Variants in ANKDD1A observed in about 807,000 individuals in gnomAD.
ANKDD1A encodes ankyrin repeat and death domain containing 1A.
A neutral mutation model predicts 63.5 loss-of-function variants in ANKDD1A; 59 were observed. The ratio of observed to expected loss-of-function variants is 0.93; its 90% CI spans 0.75 to 1.15. The LOEUF is 1.15. Among genes scored for constraint, ANKDD1A ranks in the 50% most tolerant of loss-of-function variants. ANKDD1A has a pLI of 0.00. For missense variants in ANKDD1A, 632 were observed against 656.4 expected, an observed-to-expected ratio of 0.96 and a Z score of 0.41; for synonymous variants, 266 against 263.9, an observed-to-expected ratio of 1.01 and a Z score of -0.08.
chr15:64,923,621 A>G (rs1161581096), intron 4 of ANKDD1A, among the ~76,000 whole-genome samples: 1 of 152,172 alleles, frequency 6.6e-6, no homozygotes, highest in Non-Finnish European at 1.5e-5. Context: ...GCCTGAAAGC[A>G]TTTGGGTTGG....
chr15:64,952,050 T>A (rs1392972095), intron 14 of ANKDD1A, among the ~76,000 whole-genome samples: 52 of 137,354 alleles, frequency 3.8e-4, no homozygotes, highest in South Asian at 3.8e-3. Context: ...CTCTTCTTTC[T>A]TCTTCTTAGT....
chr15:64,914,445 A>G (rs2084955024), intron 1 of ANKDD1A, among the ~76,000 whole-genome samples: 1 of 152,192 alleles, frequency 6.6e-6, no homozygotes, highest in African/African-American at 2.4e-5. Flanking sequence ...GTGCCACCAC[A>G]CCTGGCTAAT....
intron 14 of ANKDD1A, among the ~76,000 whole-genome samples, chr15:64,953,320 TC>T (rs1254825764): frequency 2.7e-5 from 4 of 150,912 alleles, no homozygotes; most frequent in Non-Finnish European, 4.4e-5. Flanking sequence ...TTTTCTTTCT[TC>T]TTTCCTTCTT....
intron 9 of ANKDD1A, among the ~76,000 whole-genome samples, chr15:64,941,297 A>C (rs1026078417): frequency 6.6e-6 from 1 of 152,146 alleles, no homozygotes; most frequent in Non-Finnish European, 1.5e-5. Flanking sequence ...GCGGTGTCCT[A>C]GTCCATTTTG....
chr15:64,956,353 T>A (rs993441723), intron 14 of ANKDD1A, among the ~76,000 whole-genome samples: 1 of 150,914 alleles, frequency 6.6e-6, no homozygotes, highest in Non-Finnish European at 1.5e-5. Flanking sequence ...ATCGAGACCA[T>A]CCTGGCTAAC....
At chr15:64,925,337 C>G (rs2085038370) in intron 4 of ANKDD1A, among the ~76,000 whole-genome samples, 1 of 151,856 alleles carries the variant, frequency 6.6e-6, no homozygotes, top group Non-Finnish European at 1.5e-5. Context: ...TTATGACCCA[C>G]TGATGGGTTG....
chr15:64,926,751 G>T (rs1458732708), intron 5 of ANKDD1A, 150 bp from the exon 6 acceptor site: 2 of 751,036 alleles, frequency 2.7e-6, no homozygotes, highest in Non-Finnish European at 4.5e-6. Context: ...TCCAGGCAGG[G>T]TGTGGGGAGG....
rs149505724 is a variant in ANKDD1A, at chr15:64,958,610, G to A, written c.*1422G>A. The A allele has an allele frequency of 9.2e-4, 140 of 152,282 alleles. 1 individual carries two copies. Among genetic ancestry groups the A allele is most frequent in the African/African-American group, 3.2e-3 (135 of 41,552 alleles). 9.4% of individuals were successfully genotyped at this position (152,282 alleles called of 1,614,324 possible). ...TGGGACTGAAATCATTTATCTGGAT[G>A]AATTTTATAAAATGAATTTTGTAAT... On this transcript the variant is annotated 3_prime_UTR_variant, in exon 15 of 15. Coordinates refer to ENST00000319580, the MANE Select transcript of ANKDD1A (RefSeq NM_182703.6).
intron 14 of ANKDD1A, among the ~76,000 whole-genome samples, chr15:64,953,133 C>A (rs1347652440): frequency 1.0e-5 from 1 of 98,648 alleles, no homozygotes; most frequent in Non-Finnish European, 2.1e-5. Flanking sequence ...TTTCTTCTTC[C>A]TTTTTTCTTC....
intron 14 of ANKDD1A, among the ~76,000 whole-genome samples, chr15:64,954,013 TCTTTCCTC>T (rs2085369878): frequency 1.1e-5 from 1 of 92,392 alleles, no homozygotes; most frequent in Admixed American, 1.3e-4. Flanking sequence ...TCTTCTTCCT[TCTTTCCTC>T]TTCTTTTCTT....
At chr15:64,953,415 CCTCCCTTCTT>C (rs1165960271) in intron 14 of ANKDD1A, among the ~76,000 whole-genome samples, 5 of 71,228 alleles carry the variant, frequency 7.0e-5, no homozygotes, top group African/African-American at 1.8e-4. Context: ...TTCTCCTCCT[CCTCCCTTCTT>C]CTTCCTCCTC....
chr15:64,952,969 T>C (rs111072539), intron 14 of ANKDD1A, among the ~76,000 whole-genome samples: 1 of 18,744 alleles, frequency 5.3e-5, no homozygotes, highest in African/African-American at 7.8e-5. Flanking sequence ...CTCTTCTTCT[T>C]TTCTTCTTGT....
intron 14 of ANKDD1A, among the ~76,000 whole-genome samples, chr15:64,953,248 CTCTT>C (rs200181224): frequency 0.017 from 2,480 of 141,890 alleles, 29 homozygotes; most frequent in African/African-American, 0.036. Context: ...TTCTTTCCTC[CTCTT>C]TCTTCTTCTT....
At chr15:64,937,985 G>A (rs983879606) in intron 9 of ANKDD1A, among the ~76,000 whole-genome samples, 11 of 152,098 alleles carry the variant, frequency 7.2e-5, no homozygotes, top group Non-Finnish European at 1.5e-4. Context: ...TGATTAGGTT[G>A]TGTCAAAAGG....
intron 14 of ANKDD1A, among the ~76,000 whole-genome samples, chr15:64,954,868 TTTCTTCTTC>T (rs2085400260): frequency 2.0e-4 from 7 of 34,884 alleles, no homozygotes; most frequent in South Asian, 1.6e-3. Flanking sequence ...TTCTTCTCCT[TTTCTTCTTC>T]CTTCTCCTCC....
intron 14 of ANKDD1A, among the ~76,000 whole-genome samples, chr15:64,953,881 TTC>T (rs2085364484): frequency 7.1e-6 from 1 of 141,094 alleles, no homozygotes; most frequent in African/African-American, 2.6e-5. Context: ...TCTTCATTCT[TTC>T]TTCTTCCTCT....
intron 4 of ANKDD1A, among the ~76,000 whole-genome samples, chr15:64,924,369 G>C (rs559355032): frequency 6.6e-6 from 1 of 152,262 alleles, no homozygotes; most frequent in Non-Finnish European, 1.5e-5. Context: ...CCCATCACAG[G>C]ACCAGTGTAG....
At chr15:64,949,304 G>A (rs1219430651) in intron 13 of ANKDD1A, among the ~76,000 whole-genome samples, 1 of 152,218 alleles carries the variant, frequency 6.6e-6, no homozygotes, top group Non-Finnish European at 1.5e-5. Flanking sequence ...CCAGTCCCAG[G>A]TACATGAGAA....
chr15:64,956,543 A>G (rs1293411923), intron 14 of ANKDD1A, among the ~76,000 whole-genome samples: 4 of 135,282 alleles, frequency 3.0e-5, no homozygotes, highest in Admixed American at 1.6e-4. Context: ...ACAGAGCAAG[A>G]CTCTGTCTCA....
Sources: allele counts gnomAD v4.1 joint callset (sites outside exome capture counted in the v4.1 genomes callset), GRCh38; gene constraint gnomAD v4.1.1; transcripts MANE v1.5; gene names NCBI Gene and HGNC (gene_info 2026-07-23, HGNC 2026-07-21).